DNAH14: variants seen among roughly 807,000 people sequenced by gnomAD.
DNAH14 encodes dynein axonemal heavy chain 14, also known as axonemal beta dynein heavy chain 14.
DNAH14 carries 478 observed loss-of-function variants against 520.9 expected under a neutral mutation model. That is an observed-to-expected ratio of 0.92 (90% CI 0.85 to 0.99). The LOEUF is 0.99. DNAH14 is among the 50% of genes least tolerant of loss of function. The pLI, the probability that DNAH14 is intolerant of heterozygous loss-of-function variation, is 0.00. For synonymous variants in DNAH14, 1,581 were observed against 1,757.2 expected (o/e 0.90, Z 2.51); for missense variants, 4,831 against 5,234.5 (o/e 0.92, Z 2.38).
At chr1:225,148,648 CCTT>C (rs2080190089) in intron 31 of DNAH14, among the ~76,000 whole-genome samples, 1 of 152,062 alleles carries the variant, frequency 6.6e-6, no homozygotes, top group South Asian at 2.1e-4. Context: ...GATGTGCCCT[CCTT>C]GGCCTCTCAA....
intron 8 of DNAH14, among the ~76,000 whole-genome samples, chr1:224,996,758 T>C (rs1240657654): frequency 6.6e-6 from 1 of 152,046 alleles, no homozygotes; most frequent in African/African-American, 2.4e-5. Flanking sequence ...AGTTCTGCAG[T>C]TGGATGGGCA....
At chr1:225,144,150 G>A (rs2079704634) in intron 28 of DNAH14, among the ~76,000 whole-genome samples, 1 of 152,142 alleles carries the variant, frequency 6.6e-6, no homozygotes, top group South Asian at 2.1e-4. Context: ...GCATGATTCA[G>A]CAAGGCCATT....
chr1:225,202,683 G>C (rs533858015), intron 38 of DNAH14, among the ~76,000 whole-genome samples: 1 of 152,244 alleles, frequency 6.6e-6, no homozygotes, highest in East Asian at 1.9e-4. Flanking sequence ...CTGGATTCAC[G>C]CCCTTCCCTG....
chr1:225,335,355 A>ACC (rs1214416744), intron 66 of DNAH14, among the ~76,000 whole-genome samples: 1 of 72,714 alleles, frequency 1.4e-5, no homozygotes, highest in African/African-American at 5.9e-5. Context: ...GTGTATATGC[A>ACC]TATACACGTG....
At chr1:225,013,529 T>TTTA (rs2064973463) in intron 10 of DNAH14, among the ~76,000 whole-genome samples, 1 of 152,152 alleles carries the variant, frequency 6.6e-6, no homozygotes, top group African/African-American at 2.4e-5. Flanking sequence ...GGCAGGAATG[T>TTTA]TTAAGTCTGC....
chr1:224,965,321 A>T (rs977818755), intron 5 of DNAH14, among the ~76,000 whole-genome samples: 13 of 152,098 alleles, frequency 8.5e-5, no homozygotes, highest in Admixed American at 2.0e-4. Flanking sequence ...GACCCACTGA[A>T]TCAGAAACCT....
intron 11 of DNAH14, among the ~76,000 whole-genome samples, chr1:225,036,524 G>T (rs566008290): frequency 1.3e-5 from 2 of 152,250 alleles, no homozygotes; most frequent in South Asian, 4.1e-4. Flanking sequence ...TATCTGGGAG[G>T]GAGAGTTGCG....
intron 36 of DNAH14, among the ~76,000 whole-genome samples, chr1:225,172,111 C>G (rs1299355198): frequency 2.6e-5 from 4 of 152,144 alleles, no homozygotes; most frequent in African/African-American, 9.7e-5. Context: ...TGGGACATAT[C>G]TCAAAATAAT....
chr1:225,268,169 G>A lies in DNAH14; in HGVS notation c.7539+1400G>A, dbSNP rs372213671. Among the ~76,000 whole-genome samples, 157 of 151,780 alleles carry A rather than the reference G, an allele frequency of 1.0e-3. 1 individual carries two copies. Among genetic ancestry groups the A allele is most frequent in the African/African-American group, 3.5e-3 (146 of 41,388 alleles). ...TTTTAATGATTGCTCTTTTTGTTTC[G>A]TTTTGTTTTTAAATCAATAAACGTA... On this transcript the variant is annotated intron_variant, in intron 49 of 85. Transcript: ENST00000682510.
intron 1 of DNAH14, among the ~76,000 whole-genome samples, chr1:224,930,827 T>C (rs963212536): frequency 6.6e-6 from 1 of 152,334 alleles, no homozygotes; most frequent in African/African-American, 2.4e-5. Context: ...CTCGATTTCC[T>C]GACCTCATGA....
intron 36 of DNAH14, among the ~76,000 whole-genome samples, chr1:225,176,921 G>T (rs1296588826): frequency 6.6e-6 from 1 of 152,186 alleles, no homozygotes; most frequent in African/African-American, 2.4e-5. Flanking sequence ...GTAGAGTGGG[G>T]TGTTGCTGAA....
intron 8 of DNAH14, among the ~76,000 whole-genome samples, chr1:224,985,076 A>T (rs945688162): frequency 6.6e-6 from 1 of 152,210 alleles, no homozygotes; most frequent in African/African-American, 2.4e-5. Flanking sequence ...AAAGAACTAA[A>T]AGTAGAACTA....
intron 76 of DNAH14, among the ~76,000 whole-genome samples, chr1:225,365,973 C>G (rs1340109925): frequency 6.6e-6 from 1 of 151,996 alleles, no homozygotes; most frequent in African/African-American, 2.4e-5. Context: ...TTTATACAGA[C>G]AGAGATGATA....
At chr1:225,077,608 G>T (rs1233575254) in intron 17 of DNAH14, among the ~76,000 whole-genome samples, 1 of 152,158 alleles carries the variant, frequency 6.6e-6, no homozygotes, top group Non-Finnish European at 1.5e-5. Context: ...TACATTGTAA[G>T]TCTATTACTG....
rs1389366286 is a variant in DNAH14, at chr1:225,124,793, A to C, written c.4254+1179A>C. On this transcript the variant is annotated intron_variant, in intron 27 of 85. Coordinates refer to ENST00000682510, the MANE Select transcript of DNAH14 (RefSeq NM_001367479.1). ...GCATCTAGGATGGTGAATCCTTTCC[A>C]GAAGGTTTTCTATTTACTTTGCCTA... is the stretch of plus-strand genomic sequence containing the variant. Among the ~76,000 whole-genome samples, 5 of 149,442 alleles carry C rather than the reference A, an allele frequency of 3.3e-5. No homozygotes were observed. The East Asian group carries it at 9.7e-4, about 29-fold the overall frequency.
At position 225,331,578 on chromosome 1, in the gene DNAH14, G is replaced by A. The variant is rs778970361; in HGVS notation, c.9864+1G>A. On this transcript the variant is annotated splice_donor_variant, in intron 65 of 85. Coordinates refer to ENST00000682510, the MANE Select transcript of DNAH14 (RefSeq NM_001367479.1). LOFTEE classifies it high-confidence loss of function. ...ACTAACTGTCCTGGAAGATGAGAAG[G>A]CATGACTTACTTTGGTCTTATATCT... 2.6e-6 allele frequency: 4 copies of A among 1,551,030 alleles called. No individual in the cohort carries two copies. Among genetic ancestry groups the A allele is most frequent in the Non-Finnish European group, 3.5e-6 (4 of 1,146,728 alleles).
At position 225,273,042 on chromosome 1, in the gene DNAH14, G is replaced by A. The variant is rs1387154180; in HGVS notation, c.7927G>A (p.Val2643Ile). ...ALLFVHEATRVFHDRLIDFTD... is the reference protein window; with the variant it reads ...ALLFVHEATRIFHDRLIDFTD... ...GCTCTTTGTTCATGAAGCCACCCGA[G>A]TATTTCACGATCGCTTAATTGATTT... The change falls in exon 52 of 86, where the codon GTA becomes ATA. Residue 2643 changes from valine (V) to isoleucine (I), a missense_variant. Coordinates refer to ENST00000682510, the MANE Select transcript of DNAH14 (RefSeq NM_001367479.1). 3.2e-6 allele frequency: 5 copies of A among 1,551,496 alleles called. No homozygotes were observed. The highest frequency in any genetic ancestry group is 2.4e-5 in the East Asian group (1 of 40,922).
intron 1 of DNAH14, among the ~76,000 whole-genome samples, chr1:224,950,795 C>T (rs1316715193): frequency 6.6e-6 from 1 of 152,202 alleles, no homozygotes; most frequent in African/African-American, 2.4e-5. Flanking sequence ...ATAGGTAACA[C>T]TAACTTCGAA....
At chr1:225,322,085 C>CTTTTTTTT (rs3047035) in intron 61 of DNAH14, among the ~76,000 whole-genome samples, 59 of 90,174 alleles carry the variant, frequency 6.5e-4, no homozygotes, top group East Asian at 1.6e-3. Context: ...TTTTTTCTTT[C>CTTTTTTTT]TTTTTTTTTT....
Sources: allele counts gnomAD v4.1 joint callset (sites outside exome capture counted in the v4.1 genomes callset), GRCh38; gene constraint gnomAD v4.1.1; transcripts MANE v1.5; gene names NCBI Gene and HGNC (gene_info 2026-07-23, HGNC 2026-07-21).